The following PCDH11X variants were observed in gnomAD, a reference collection of about 807,000 sequenced individuals.
The protein encoded by PCDH11X is protocadherin 11 X-linked.
A neutral mutation model predicts 53.3 loss-of-function variants in PCDH11X; 18 were observed. The observed-to-expected ratio is 0.34, with a 90% CI of 0.23 to 0.50. The LOEUF is 0.50. Ranked by LOEUF, PCDH11X falls within the 20% of genes least tolerant of loss-of-function variation. The pLI is 0.98. For missense variants in PCDH11X, 570 were observed against 1,032.4 expected, an observed-to-expected ratio of 0.55 and a Z score of 6.14; for synonymous variants, 279 against 393.3, an observed-to-expected ratio of 0.71 and a Z score of 3.44.
intron 1 of PCDH11X, among the ~76,000 whole-genome samples, chrX:91,793,710 A>G (rs2147525694): frequency 9.0e-6 from 1 of 111,703 alleles, no homozygotes; most frequent in African/African-American, 3.2e-5. Flanking sequence ...GGGAGCAAAA[A>G]GGAAAATTAT....
At chrX:91,852,512 G>T in intron 5 of PCDH11X, among the ~76,000 whole-genome samples, 1 of 110,980 alleles carries the variant, frequency 9.0e-6, no homozygotes, top group Non-Finnish European at 1.9e-5. Context: ...ATTATTTGCT[G>T]GACCCTACAT....
At chrX:92,087,104 A>G (rs1412238940) in intron 6 of PCDH11X, among the ~76,000 whole-genome samples, 2 of 109,053 alleles carry the variant, frequency 1.8e-5, no homozygotes, top group Non-Finnish European at 3.8e-5. Flanking sequence ...TTATTTGTTT[A>G]TTTTTTTGAG....
At chrX:92,244,652 G>A (rs190198938) in intron 7 of PCDH11X, among the ~76,000 whole-genome samples, 1 of 111,570 alleles carries the variant, frequency 9.0e-6, no homozygotes, top group African/African-American at 3.2e-5. Context: ...CACAGCCACC[G>A]TTTCTTATAC....
At chrX:92,177,869 A>G (rs1047057272) in intron 6 of PCDH11X, among the ~76,000 whole-genome samples, 2 of 110,873 alleles carry the variant, frequency 1.8e-5, no homozygotes, top group Non-Finnish European at 3.8e-5. Context: ...AAATTATATT[A>G]TATATACATA....
rs1280393802 is a variant in PCDH11X, at chrX:92,619,713, T to C, written c.*773T>C. The C allele has an allele frequency of 2.7e-5, 3 of 111,539 alleles. No homozygotes were observed. The highest frequency in any genetic ancestry group is 6.5e-5 in the African/African-American group (2 of 30,554). The allele number at this position is 111,539 out of a possible 1,213,427, so 9.2% of individuals were successfully genotyped here. A position where few individuals can be genotyped will look rare whatever the true frequency, so the allele number is the denominator to read the frequency against. ...TGTTAAAAAGGGCCTCTTTTTACTT[T>C]AATAGTTTAGTGTAAAGTACATCAG... is the stretch of plus-strand genomic sequence containing the variant. On this transcript the variant is annotated 3_prime_UTR_variant, in exon 11 of 11. Coordinates refer to ENST00000682573, the MANE Select transcript of PCDH11X (RefSeq NM_032968.5).
Position 91,824,246 on chromosome X carries a change from C to G in PCDH11X, c.-44-11215C>G, listed in dbSNP as rs898220384. 3.6e-5 allele frequency among the ~76,000 whole-genome samples: 4 copies of G among 111,050 alleles called. No homozygotes were observed. The Admixed American group carries it at 3.8e-4, about 11-fold the overall frequency. On this transcript the variant is annotated intron_variant, in intron 4 of 10. Transcript: ENST00000682573. ...TACCTTGCTAGATTGGGGAAGTTCTCCTGGATAATATCCTGCAGAGTGTTT... is the reference window on the plus strand; with the variant it reads ...TACCTTGCTAGATTGGGGAAGTTCTGCTGGATAATATCCTGCAGAGTGTTT...
chrX:92,552,495 G>T (rs1390623374), intron 10 of PCDH11X, among the ~76,000 whole-genome samples: 2 of 104,673 alleles, frequency 1.9e-5, no homozygotes, highest in African/African-American at 3.5e-5. Flanking sequence ...AGGATAATTT[G>T]ATTTCTTTCA....
At chrX:91,963,341 T>G (rs2061818815) in intron 6 of PCDH11X, among the ~76,000 whole-genome samples, 1 of 110,004 alleles carries the variant, frequency 9.1e-6, no homozygotes, top group Non-Finnish European at 1.9e-5. Context: ...CTGGATACCC[T>G]AAATCATCTC....
chrX:91,838,928 C>T (rs1937400565), intron 5 of PCDH11X, among the ~76,000 whole-genome samples: 1 of 112,211 alleles, frequency 8.9e-6, no homozygotes, highest in Non-Finnish European at 1.9e-5. Context: ...CTACTATTTA[C>T]TATTTGATAT....
chrX:92,241,385 T>C (rs984428322), intron 7 of PCDH11X, among the ~76,000 whole-genome samples: 5 of 112,189 alleles, frequency 4.5e-5, no homozygotes, highest in Non-Finnish European at 9.4e-5. Flanking sequence ...CAACGACTTA[T>C]GAAAAACAAT....
chrX:92,219,818 C>A, intron 7 of PCDH11X, among the ~76,000 whole-genome samples: 1 of 73,027 alleles, frequency 1.4e-5, no homozygotes, highest in Non-Finnish European at 2.8e-5. Context: ...CTACAGTAAC[C>A]AAAACAGCAT....
intron 6 of PCDH11X, among the ~76,000 whole-genome samples, chrX:92,074,811 G>A (rs763683406): frequency 1.2e-4 from 13 of 111,779 alleles, no homozygotes; most frequent in African/African-American, 4.2e-4. Flanking sequence ...GTTAATTCCA[G>A]CTGAAATTGT....
At chrX:91,816,232 T>C (rs1417448501) in intron 4 of PCDH11X, among the ~76,000 whole-genome samples, 1 of 111,867 alleles carries the variant, frequency 8.9e-6, no homozygotes, top group East Asian at 2.8e-4. Context: ...ATTAAAATAT[T>C]AGAATATAAG....
chrX:92,578,339 T>A (rs1923224174), intron 10 of PCDH11X, among the ~76,000 whole-genome samples: 1 of 108,262 alleles, frequency 9.2e-6, no homozygotes, highest in Non-Finnish European at 1.9e-5. Flanking sequence ...TGCACATGTA[T>A]CCCAGAACTT....
chrX:92,188,310 T>G (rs953512038), intron 6 of PCDH11X, among the ~76,000 whole-genome samples: 1 of 111,647 alleles, frequency 9.0e-6, no homozygotes, highest in East Asian at 2.8e-4. Context: ...CAAGTGCAAA[T>G]TCCTCTGAAG....
chrX:91,812,470 A>G (rs1316099062), intron 4 of PCDH11X, among the ~76,000 whole-genome samples: 2 of 109,924 alleles, frequency 1.8e-5, no homozygotes, highest in Non-Finnish European at 3.8e-5. Context: ...TCTACCTTTC[A>G]TTCCTTCAAG....
chrX:92,459,815 G>C, intron 9 of PCDH11X: 1 of 1,170,639 alleles, frequency 8.5e-7, no homozygotes, highest in Non-Finnish European at 1.2e-6. Context: ...TCCGTGTCCC[G>C]CTCCACCAGC....
intron 6 of PCDH11X, among the ~76,000 whole-genome samples, chrX:92,026,576 T>A (rs2062973079): frequency 9.8e-6 from 1 of 101,812 alleles, no homozygotes; most frequent in Non-Finnish European, 1.9e-5. Context: ...CAAAATAGTA[T>A]CTATGGATTC....
intron 5 of PCDH11X, among the ~76,000 whole-genome samples, chrX:91,847,350 T>C (rs1410687545): frequency 1.8e-5 from 2 of 111,254 alleles, no homozygotes; most frequent in Non-Finnish European, 3.8e-5. Context: ...CATTTTTTAA[T>C]ATGTATTTTA....
Sources: gnomAD v4.1 joint callset for allele counts (sites outside exome capture counted in the v4.1 genomes callset) on GRCh38, gnomAD v4.1.1 for gene constraint, MANE v1.5 for transcripts, NCBI Gene and HGNC (gene_info 2026-07-23, HGNC 2026-07-21) for gene names.